IDE: variants seen among roughly 807,000 people sequenced by gnomAD.
The protein encoded by IDE is insulin-degrading enzyme.
In IDE, 58 loss-of-function variants were observed where a neutral mutation model predicts 133.2. The ratio of observed to expected loss-of-function variants is 0.44; its 90% confidence interval spans 0.35 to 0.54. The LOEUF is 0.54. Among genes scored for constraint, IDE ranks in the 20% least tolerant of loss-of-function variants. IDE has a pLI of 0.00. For missense variants in IDE, 981 were observed against 1,234.0 expected (o/e 0.79, Z 3.07); for synonymous variants, 396 against 421.3 (o/e 0.94, Z 0.73).
At chr10:92,556,197 A>AAAAG (rs1564677270) in intron 1 of IDE, among the ~76,000 whole-genome samples, 5 of 151,194 alleles carry the variant, frequency 3.3e-5, no homozygotes, top group African/African-American at 1.2e-4. Flanking sequence ...AAAAAAAAAA[A>AAAAG]AAAGAAAGAA....
At chr10:92,569,502 G>A (rs1843692439) in intron 1 of IDE, among the ~76,000 whole-genome samples, 1 of 152,144 alleles carries the variant, frequency 6.6e-6, no homozygotes, top group Admixed American at 6.5e-5. Context: ...GAACTAGGAT[G>A]GTGATGAGGG....
At chr10:92,485,533 T>C (rs1052627491) in intron 13 of IDE, among the ~76,000 whole-genome samples, 1 of 152,218 alleles carries the variant, frequency 6.6e-6, no homozygotes, top group African/African-American at 2.4e-5. Flanking sequence ...GCCTCTCCAC[T>C]TCACTCATGC....
At chr10:92,547,737 T>C (rs1842592792) in intron 1 of IDE, among the ~76,000 whole-genome samples, 2 of 152,140 alleles carry the variant, frequency 1.3e-5, no homozygotes, top group African/African-American at 4.8e-5. Context: ...GAATGCTGCC[T>C]CAGGAAACTT....
In IDE at chr10:92,512,836, A is replaced by T. The variant is rs1200084098; in HGVS notation, c.784+2084T>A. Among the ~76,000 whole-genome samples the T allele has an allele frequency of 2.6e-5, 4 of 152,232 alleles. No homozygotes were observed. In the East Asian group the frequency reaches 5.8e-4, roughly 22 times the overall value. The stretch of plus-strand genomic sequence containing the variant: ...CTAAATTATGGTAACAAAAGTTACC[A>T]TAATTTCATGATTATAAAGGTGCTA... On this transcript the variant is annotated intron_variant, in intron 5 of 24. Coordinates refer to ENST00000265986, the MANE Select transcript of IDE (RefSeq NM_004969.4).
At chr10:92,560,775 TCC>T (rs1843242890) in intron 1 of IDE, among the ~76,000 whole-genome samples, 1 of 149,106 alleles carries the variant, frequency 6.7e-6, no homozygotes, top group Non-Finnish European at 1.5e-5. Context: ...AGAGCGAGAC[TCC>T]GTCTCAAAAA....
In IDE at chr10:92,504,822, G is replaced by T; in HGVS notation, c.1402C>A (p.Leu468Ile). Residue 468 changes from leucine to isoleucine, a missense_variant, in exon 11 of 25, where the codon CTC becomes ATC. By Grantham distance (5) the Leu-to-Ile change is conservative (BLOSUM62 2). Around this residue, in one of 2 missense-constraint regions of IDE, gnomAD observed 660 missense variants for 894.7 expected, o/e 0.74. Coordinates refer to ENST00000265986, the MANE Select transcript of IDE (RefSeq NM_004969.4). ...EFRPDLIEMV[L>I]DKLRPENVRV... ...ACATTTTCTGGTCTGAGTTTATCGA[G>T]AACCATCTCTATTAAGTCAGGTCTA... The T allele has an allele frequency of 6.3e-7, 1 of 1,593,286 alleles. No homozygotes were observed. Among genetic ancestry groups the T allele is most frequent in the Non-Finnish European group, 8.6e-7 (1 of 1,165,032 alleles).
Position 92,487,234 on chromosome 10 carries a change from A to AAAT in IDE, c.1617_1618insATT (p.Pro539_Leu540insIle). On this transcript the variant is annotated inframe_insertion, in exon 13 of 25. Transcript: ENST00000265986. The stretch of plus-strand genomic sequence containing the variant: ...GGGTATGGTGTCGCCTCTTTTTCTA[A>AAAT]CGGTAAAATCTCAAAATTCGTAGGA... 6.2e-7 allele frequency: 1 copy of AAAT among 1,613,522 alleles called. No homozygotes were observed.
At chr10:92,459,892 C>T (rs986448495) in intron 22 of IDE, among the ~76,000 whole-genome samples, 4 of 137,392 alleles carry the variant, frequency 2.9e-5, no homozygotes, top group South Asian at 2.3e-4. Flanking sequence ...TGCAGTGGTG[C>T]GATCTCAGCT....
At chr10:92,530,300 T>A (rs1215255482) in intron 4 of IDE, among the ~76,000 whole-genome samples, 3 of 150,598 alleles carry the variant, frequency 2.0e-5, no homozygotes, top group Non-Finnish European at 1.5e-5. Context: ...AAAAAAAAGT[T>A]GTTGTTTTTT....
intron 1 of IDE, among the ~76,000 whole-genome samples, chr10:92,571,372 G>A (rs925597805): frequency 3.9e-5 from 6 of 152,098 alleles, no homozygotes; most frequent in Non-Finnish European, 8.8e-5. Context: ...AAACTTCAGG[G>A]GTACCCTGTT....
intron 2 of IDE, among the ~76,000 whole-genome samples, chr10:92,536,585 C>G (rs547242801): frequency 2.0e-5 from 3 of 151,264 alleles, no homozygotes; most frequent in African/African-American, 4.9e-5. Context: ...GTAATCCCAG[C>G]TACTTGGGAG....
At chr10:92,485,922 A>G (rs1846966129) in intron 13 of IDE, among the ~76,000 whole-genome samples, 1 of 152,188 alleles carries the variant, frequency 6.6e-6, no homozygotes, top group Non-Finnish European at 1.5e-5. Flanking sequence ...AGCCTGGGCA[A>G]CAGAGAGACC....
intron 18 of IDE, 99 bp from the exon 19 acceptor site, chr10:92,469,089 C>T (rs1845835172): frequency 2.9e-6 from 2 of 679,636 alleles, no homozygotes; most frequent in African/African-American, 3.6e-5. Context: ...GATTCTAAAA[C>T]CTTAAATATA....
chr10:92,482,838 C>T (rs963187927), intron 14 of IDE, among the ~76,000 whole-genome samples: 6 of 151,586 alleles, frequency 4.0e-5, no homozygotes, highest in Non-Finnish European at 8.8e-5. Context: ...CAGAGTCTGG[C>T]TCTGTCGCCC....
chr10:92,517,480 T>A (rs1462982977), intron 4 of IDE, among the ~76,000 whole-genome samples: 1 of 152,176 alleles, frequency 6.6e-6, no homozygotes, highest in African/African-American at 2.4e-5. Flanking sequence ...TAATCACAGC[T>A]CACTGCAGCC....
chr10:92,458,789 C>T (rs1018016483), intron 22 of IDE, among the ~76,000 whole-genome samples: 1 of 151,938 alleles, frequency 6.6e-6, no homozygotes, highest in African/African-American at 2.4e-5. Context: ...TGTGAACCAC[C>T]ACGCCCAGCC....
At chr10:92,522,766 T>G (rs1187482484) in intron 4 of IDE, among the ~76,000 whole-genome samples, 1 of 152,184 alleles carries the variant, frequency 6.6e-6, no homozygotes, top group Non-Finnish European at 1.5e-5. Context: ...AATCTACTCA[T>G]GTAAGATGGA....
At position 92,454,185 on chromosome 10, in the gene IDE, T is replaced by C. The variant is rs943973291; in HGVS notation, c.*259A>G. 8.5e-5 allele frequency: 26 copies of C among 306,250 alleles called. No homozygotes were observed. The East Asian group carries it at 1.5e-3, about 18-fold the overall frequency. The allele number at this position is 306,250 out of a possible 1,614,324, so 19.0% of individuals were successfully genotyped here. A position where few individuals can be genotyped will look rare whatever the true frequency, so the allele number is the denominator to read the frequency against. ...ATATCATTCATTTTAAGCATTGTTA[T>C]ATTGGGGAAATTTCTCTCAGTAATC... On this transcript the variant is annotated 3_prime_UTR_variant, in exon 25 of 25. Coordinates refer to ENST00000265986, the MANE Select transcript of IDE (RefSeq NM_004969.4).
intron 24 of IDE, 76 bp from the exon 25 acceptor site, chr10:92,454,615 C>T: frequency 2.0e-6 from 2 of 999,002 alleles, no homozygotes; most frequent in Non-Finnish European, 3.2e-6. Context: ...TTTTGGCGGA[C>T]ACTGGGAGCA....
Sources: gnomAD v4.1 joint callset for allele counts (sites outside exome capture counted in the v4.1 genomes callset) on GRCh38, gnomAD v4.1.1 for gene constraint, gnomAD v4.1.1 regional missense constraint, MANE v1.5 for transcripts, NCBI Gene and HGNC (gene_info 2026-07-23, HGNC 2026-07-21) for gene names.